Variants in SYNPR observed in about 807,000 individuals in gnomAD.
The protein encoded by SYNPR is synaptoporin.
Under a neutral mutation model 32.9 loss-of-function variants are expected in SYNPR, and 23 were observed. That is an observed-to-expected ratio of 0.70 (90% CI 0.50 to 0.99). The LOEUF is 0.99. Ranked by LOEUF, SYNPR falls within the 50% of genes least tolerant of loss-of-function variation. The probability of loss-of-function intolerance (pLI) is 0.00; values close to 1 mark genes in which losing one functional copy is unlikely to be tolerated. For synonymous variants in SYNPR, 146 were observed against 135.9 expected (o/e 1.07, Z -0.52); for missense variants, 318 against 349.3 (o/e 0.91, Z 0.71).
chr3:63,301,885 A>G (rs1322584548), intron 2 of SYNPR, among the ~76,000 whole-genome samples: 1 of 152,086 alleles, frequency 6.6e-6, no homozygotes, highest in Non-Finnish European at 1.5e-5. Flanking sequence ...AAATGAATTA[A>G]TTTCACTCTT....
At chr3:63,422,646 G>C (rs1254528801) in intron 2 of SYNPR, among the ~76,000 whole-genome samples, 3 of 151,898 alleles carry the variant, frequency 2.0e-5, no homozygotes, top group African/African-American at 7.2e-5. Context: ...GCAAAATATT[G>C]AAAGTCTAAA....
intron 3 of SYNPR, among the ~76,000 whole-genome samples, chr3:63,505,060 T>C (rs1014137688): frequency 6.6e-6 from 1 of 152,102 alleles, no homozygotes; most frequent in Non-Finnish European, 1.5e-5. Context: ...AAAGAGAATG[T>C]ATGGAGCATA....
upstream of SYNPR, among the ~76,000 whole-genome samples, chr3:63,226,230 G>A (rs192222539): frequency 6.6e-6 from 1 of 152,072 alleles, no homozygotes; most frequent in African/African-American, 2.4e-5. Context: ...GGAAAAAAGG[G>A]AACTCTTATA....
chr3:63,206,898 G>T, the SYNPR span, among the ~76,000 whole-genome samples: 1 of 152,132 alleles, frequency 6.6e-6, no homozygotes, highest in Non-Finnish European at 1.5e-5. Flanking sequence ...GAGAATCTGG[G>T]GCTGTGCCTG....
intron 2 of SYNPR, among the ~76,000 whole-genome samples, chr3:63,257,392 G>A (rs2086394447): frequency 6.6e-6 from 1 of 152,238 alleles, no homozygotes; most frequent in Non-Finnish European, 1.5e-5. Flanking sequence ...CTACAAGCCA[G>A]ACGAAAGAGG....
At chr3:63,361,929 G>T (rs9784367) in intron 2 of SYNPR, among the ~76,000 whole-genome samples, 1 of 152,110 alleles carries the variant, frequency 6.6e-6, no homozygotes, top group Non-Finnish European at 1.5e-5. Flanking sequence ...GAATATTTTT[G>T]AGGATAGATT....
At chr3:63,412,774 G>A (rs2088484101) in intron 2 of SYNPR, among the ~76,000 whole-genome samples, 1 of 152,124 alleles carries the variant, frequency 6.6e-6, no homozygotes, top group Non-Finnish European at 1.5e-5. Context: ...GTAGGCAGAA[G>A]GCTGGGATCA....
the SYNPR span, among the ~76,000 whole-genome samples, chr3:63,204,989 G>C: frequency 6.6e-6 from 1 of 152,064 alleles, no homozygotes; most frequent in Non-Finnish European, 1.5e-5. Flanking sequence ...CGCCCAGCCA[G>C]AGTAATTCTT....
chr3:63,366,839 T>G (rs550328292), intron 2 of SYNPR, among the ~76,000 whole-genome samples: 1 of 152,320 alleles, frequency 6.6e-6, no homozygotes, highest in African/African-American at 2.4e-5. Flanking sequence ...GTTAAGAAAC[T>G]TGCCCCAAGG....
chr3:63,477,782 T>C (rs1700959888), intron 2 of SYNPR, among the ~76,000 whole-genome samples: 1 of 152,206 alleles, frequency 6.6e-6, no homozygotes. Context: ...GTAGCTTCAC[T>C]TTTTCTCTGG....
At chr3:63,497,574 T>C (rs1054985585) in intron 3 of SYNPR, among the ~76,000 whole-genome samples, 17 of 151,346 alleles carry the variant, frequency 1.1e-4, no homozygotes, top group Non-Finnish European at 2.1e-4. Context: ...TTCTTGTCAG[T>C]GTGAACCACC....
intron 1 of SYNPR, among the ~76,000 whole-genome samples, chr3:63,238,823 A>G (rs9841202): frequency 0.55 from 82,937 of 151,988 alleles, 23,454 homozygotes; most frequent in Non-Finnish European, 0.59. Flanking sequence ...TTATTTCATA[A>G]CAGTGATTTT....
Position 63,348,909 on chromosome 3 carries a change from C to T in SYNPR, c.84+70167C>T, listed in dbSNP as rs77534978. Among the ~76,000 whole-genome samples, 1,134 of 152,192 alleles carry T rather than the reference C, an allele frequency of 7.5e-3. 5 individuals are homozygous for T. Among genetic ancestry groups the T allele is most frequent in the East Asian group, 0.015 (78 of 5,182 alleles). Reference sequence around the variant, plus strand: ...CTATATGTCTATGCTGTTTTGGTTACTGTAACATTGTAGTATAATTTGAGG... The same window carrying T: ...CTATATGTCTATGCTGTTTTGGTTATTGTAACATTGTAGTATAATTTGAGG... On this transcript the variant is annotated intron_variant, in intron 2 of 5. Coordinates refer to ENST00000478300, the MANE Select transcript of SYNPR (RefSeq NM_001130003.2).
At chr3:63,472,170 T>G (rs1575662082) in intron 2 of SYNPR, among the ~76,000 whole-genome samples, 1 of 152,274 alleles carries the variant, frequency 6.6e-6, no homozygotes, top group South Asian at 2.1e-4. Flanking sequence ...AGGCCTCAGT[T>G]AGAAAGCCCA....
intron 2 of SYNPR, among the ~76,000 whole-genome samples, chr3:63,258,978 A>T (rs1376891687): frequency 6.6e-6 from 1 of 152,224 alleles, no homozygotes; most frequent in Non-Finnish European, 1.5e-5. Flanking sequence ...TCTAGAAGAA[A>T]TGGATAAATT....
chr3:63,290,087 G>T (rs1021384879), intron 2 of SYNPR, among the ~76,000 whole-genome samples: 1 of 148,780 alleles, frequency 6.7e-6, no homozygotes, highest in African/African-American at 2.5e-5. Context: ...CAGAGATCAC[G>T]CCATGGCACT....
intron 2 of SYNPR, among the ~76,000 whole-genome samples, chr3:63,335,244 T>G (rs1181681780): frequency 6.6e-6 from 1 of 150,754 alleles, no homozygotes; most frequent in Non-Finnish European, 1.5e-5. Flanking sequence ...TCCCAGCTAC[T>G]CGGGAGGCTG....
intron 2 of SYNPR, among the ~76,000 whole-genome samples, chr3:63,418,587 T>C (rs900067639): frequency 1.3e-5 from 2 of 152,212 alleles, no homozygotes; most frequent in Non-Finnish European, 2.9e-5. Context: ...AGAGGTTTAA[T>C]GGACTCACAG....
chr3:63,573,888 A>T (rs1239407551), intron 4 of SYNPR, among the ~76,000 whole-genome samples: 2 of 152,176 alleles, frequency 1.3e-5, no homozygotes, highest in Non-Finnish European at 2.9e-5. Context: ...AGCTTTTGCA[A>T]AGAATATTTA....
Sources: gnomAD v4.1 joint callset for allele counts (sites outside exome capture counted in the v4.1 genomes callset) on GRCh38, gnomAD v4.1.1 for gene constraint, MANE v1.5 for transcripts, NCBI Gene and HGNC (gene_info 2026-07-23, HGNC 2026-07-21) for gene names.